Variants in NKAIN3 observed in about 807,000 individuals in gnomAD.
NKAIN3 encodes the protein sodium/potassium-transporting ATPase subunit beta-1-interacting protein 3.
NKAIN3 carries 25 observed loss-of-function variants against 30.2 expected under a neutral mutation model. The observed-to-expected ratio is 0.83, with a 90% CI of 0.60 to 1.16. The LOEUF is 1.16. NKAIN3 is among the 50% of genes most tolerant of loss of function. The pLI, the probability that NKAIN3 is intolerant of heterozygous loss-of-function variation, is 0.00. For missense variants in NKAIN3, 225 were observed against 254.1 expected, an observed-to-expected ratio of 0.89 and a Z score of 0.78; for synonymous variants, 91 against 89.6, an observed-to-expected ratio of 1.02 and a Z score of -0.09.
At chr8:62,739,902 C>T (rs1815809178) in intron 3 of NKAIN3, among the ~76,000 whole-genome samples, 1 of 152,108 alleles carries the variant, frequency 6.6e-6, no homozygotes, top group South Asian at 2.1e-4. Context: ...ATGACTTGCT[C>T]ATAAATTGCA....
intron 6 of NKAIN3, among the ~76,000 whole-genome samples, chr8:62,956,554 T>C (rs188926986): frequency 3.3e-5 from 5 of 152,248 alleles, no homozygotes; most frequent in African/African-American, 1.2e-4. Flanking sequence ...ACAGTCAAAT[T>C]GTATGGGAAT....
intron 1 of NKAIN3, among the ~76,000 whole-genome samples, chr8:62,422,644 T>G (rs908222292): frequency 6.6e-6 from 1 of 152,058 alleles, no homozygotes; most frequent in Admixed American, 6.6e-5. Flanking sequence ...TGAAACTGAA[T>G]GTTATGTCAG....
intron 1 of NKAIN3, among the ~76,000 whole-genome samples, chr8:62,311,891 C>T (rs1301414876): frequency 6.7e-6 from 1 of 150,322 alleles, no homozygotes; most frequent in Non-Finnish European, 1.5e-5. Context: ...TCTCACCCAC[C>T]CCTCATTTTA....
At position 62,971,158 on chromosome 8, in the gene NKAIN3, A is replaced by G. The variant is rs568395763; in HGVS notation, c.*5751A>G. On this transcript the variant is annotated 3_prime_UTR_variant, in exon 7 of 7. Transcript: ENST00000623646. ...CTGAAGCTTCAGCCATTGGTTTTGT[A>G]TTCTGGCCTTGGAGGTGGAGAAGGA... is the stretch of plus-strand genomic sequence containing the variant. 8.1e-4 allele frequency among the ~76,000 whole-genome samples: 124 copies of G among 152,246 alleles called. No homozygotes were observed. The highest frequency in any genetic ancestry group is 1.9e-3 in the Admixed American group (29 of 15,276).
chr8:62,996,450 A>G (rs10096151), intron 5 of NKAIN3, among the ~76,000 whole-genome samples: 1 of 152,036 alleles, frequency 6.6e-6, no homozygotes, highest in Admixed American at 6.5e-5. Flanking sequence ...TTAGGTGGGG[A>G]CACAGCCAAA....
chr8:62,506,476 C>CTTTCTTTTTTT (rs71559373), intron 1 of NKAIN3, among the ~76,000 whole-genome samples: 4 of 98,454 alleles, frequency 4.1e-5, no homozygotes, highest in East Asian at 3.0e-4. Flanking sequence ...TTCTTTCTTT[C>CTTTCTTTTTTT]TTTTTTTTTT....
chr8:62,975,665 T>A lies in NKAIN3; in HGVS notation c.*10258T>A, dbSNP rs183946250. ...GGGTTTTTCGTATCTCTTTCAGTTC[T>A]GTTCTGATCTTAGTTATTTCTTGTC... is the stretch of plus-strand genomic sequence containing the variant. On this transcript the variant is annotated 3_prime_UTR_variant, in exon 7 of 7. Transcript: ENST00000623646. Among the ~76,000 whole-genome samples the A allele has an allele frequency of 2.0e-4, 30 of 152,306 alleles. No homozygotes were observed.
intron 4 of NKAIN3, among the ~76,000 whole-genome samples, chr8:62,803,750 G>A (rs1353436544): frequency 6.6e-6 from 1 of 152,076 alleles, no homozygotes; most frequent in Non-Finnish European, 1.5e-5. Flanking sequence ...CAGAAGGCAA[G>A]AAATAACTAA....
At chr8:62,953,572 T>C (rs1239989296) in intron 5 of NKAIN3, among the ~76,000 whole-genome samples, 1 of 152,184 alleles carries the variant, frequency 6.6e-6, no homozygotes, top group Non-Finnish European at 1.5e-5. Flanking sequence ...AGTATATCTT[T>C]TGATATATAG....
chr8:62,801,240 T>C (rs1268312463), intron 4 of NKAIN3, among the ~76,000 whole-genome samples: 1 of 152,204 alleles, frequency 6.6e-6, no homozygotes, highest in Admixed American at 6.5e-5. Flanking sequence ...TACATGTCCC[T>C]GTCTGACAGC....
At chr8:62,451,474 C>T (rs1407189529) in intron 1 of NKAIN3, among the ~76,000 whole-genome samples, 1 of 152,042 alleles carries the variant, frequency 6.6e-6, no homozygotes, top group Non-Finnish European at 1.5e-5. Context: ...ATCTTTGGCA[C>T]CATCTTCATA....
intron 1 of NKAIN3, among the ~76,000 whole-genome samples, chr8:62,337,529 A>G (rs564921504): frequency 2.6e-5 from 4 of 151,810 alleles, no homozygotes; most frequent in Admixed American, 2.6e-4. Context: ...TTTTACAAGT[A>G]GTTGCTAGCC....
At chr8:62,530,242 A>G (rs573976160) in intron 1 of NKAIN3, among the ~76,000 whole-genome samples, 1 of 152,086 alleles carries the variant, frequency 6.6e-6, no homozygotes, top group South Asian at 2.1e-4. Context: ...TCTGCCTCAT[A>G]GTTTCAAAAT....
At chr8:62,277,888 TA>T (rs1481950537) in intron 1 of NKAIN3, among the ~76,000 whole-genome samples, 1 of 152,262 alleles carries the variant, frequency 6.6e-6, no homozygotes, top group African/African-American at 2.4e-5. Context: ...GCACAACAGG[TA>T]ATGTGGGACT....
In NKAIN3 at chr8:62,616,939, C is replaced by A. The variant is rs150139968; in HGVS notation, c.273+27145C>A. Among the ~76,000 whole-genome samples, 274 of 152,316 alleles carry A rather than the reference C, an allele frequency of 1.8e-3. 1 individual carries two copies. Among genetic ancestry groups the A allele is most frequent in the Admixed American group, 5.6e-3 (85 of 15,302 alleles). ...GGTGTTTGGGTCATGAGGGATTTCT[C>A]ATAAATGGTTTAGCACCATCACATT... On this transcript the variant is annotated intron_variant, in intron 3 of 6. Transcript: ENST00000623646.
chr8:62,383,783 A>G (rs1027248762), intron 1 of NKAIN3, among the ~76,000 whole-genome samples: 18 of 152,284 alleles, frequency 1.2e-4, no homozygotes, highest in African/African-American at 3.6e-4. Flanking sequence ...GCACCTACAT[A>G]AAAGCTAAGT....
chr8:62,317,353 C>T (rs901880834), intron 1 of NKAIN3, among the ~76,000 whole-genome samples: 1 of 152,074 alleles, frequency 6.6e-6, no homozygotes, highest in Admixed American at 6.6e-5. Flanking sequence ...CTTGCCCATG[C>T]CTATATCCTG....
chr8:62,848,394 T>G (rs539292959), intron 4 of NKAIN3, among the ~76,000 whole-genome samples: 2 of 152,234 alleles, frequency 1.3e-5, no homozygotes, highest in South Asian at 4.1e-4. Context: ...TTTCTCTTGT[T>G]AGCTGTTTTC....
intron 4 of NKAIN3, among the ~76,000 whole-genome samples, chr8:62,767,322 G>A (rs767037901): frequency 1.7e-4 from 26 of 152,064 alleles, no homozygotes; most frequent in Non-Finnish European, 3.5e-4. Flanking sequence ...TTAACTATTG[G>A]AGAAGATAAA....
Sources: gnomAD v4.1 joint callset for allele counts (sites outside exome capture counted in the v4.1 genomes callset) on GRCh38, gnomAD v4.1.1 for gene constraint, MANE v1.5 for transcripts, NCBI Gene and HGNC (gene_info 2026-07-23, HGNC 2026-07-21) for gene names.